Variants in SDK1 observed in about 807,000 individuals in gnomAD.
SDK1 encodes the protein sidekick cell adhesion molecule 1.
In SDK1, 157 loss-of-function variants were observed where a neutral mutation model predicts 245.5. The observed-to-expected ratio is 0.64, with a 90% CI of 0.56 to 0.73. The LOEUF (loss-of-function observed/expected upper bound fraction) is 0.73, where lower values mean the gene tolerates loss of function less well. SDK1 is among the 30% of genes least tolerant of loss of function. The pLI is 0.00. For missense variants in SDK1, 3,583 were observed against 3,002.3 expected (o/e 1.19, Z -4.52); for synonymous variants, 1,647 against 1,278.5 (o/e 1.29, Z -6.15).
At chr7:4,232,017 A>G (rs1785805286) in intron 40 of SDK1, among the ~76,000 whole-genome samples, 1 of 151,224 alleles carries the variant, frequency 6.6e-6, no homozygotes, top group African/African-American at 2.4e-5. Flanking sequence ...GCTACTTCAA[A>G]TGAACATTTT....
chr7:3,524,387 G>A (rs1477050287), intron 1 of SDK1, among the ~76,000 whole-genome samples: 3 of 152,162 alleles, frequency 2.0e-5, no homozygotes, highest in African/African-American at 4.8e-5. Flanking sequence ...GATCAATTAG[G>A]GGGCTGTTTA....
At chr7:3,338,975 T>G (rs1239816428) in intron 1 of SDK1, among the ~76,000 whole-genome samples, 2 of 152,176 alleles carry the variant, frequency 1.3e-5, no homozygotes, top group Non-Finnish European at 2.9e-5. Flanking sequence ...ATAATTGGCT[T>G]AAATATAGAT....
At chr7:3,639,135 C>G (rs1782566147) in intron 3 of SDK1, 25 bp downstream of exon 3, 1 of 1,365,546 alleles carries the variant, frequency 7.3e-7, no homozygotes, top group Non-Finnish European at 1.0e-6. Flanking sequence ...AGGAGATGTC[C>G]AAATGTTAAA....
At chr7:3,695,727 A>T (rs1249809955) in intron 4 of SDK1, among the ~76,000 whole-genome samples, 2 of 152,204 alleles carry the variant, frequency 1.3e-5, no homozygotes, top group African/African-American at 4.8e-5. Flanking sequence ...TTTCCTTATA[A>T]CATGCACTTA....
chr7:3,606,805 A>G (rs1044419402), intron 1 of SDK1, among the ~76,000 whole-genome samples: 4 of 152,106 alleles, frequency 2.6e-5, no homozygotes, highest in African/African-American at 9.7e-5. Context: ...ATTACATTAT[A>G]TAAAGGTGTT....
rs1032700480 is a variant in SDK1, at chr7:3,714,499, T to C, written c.713+72394T>C. Among the ~76,000 whole-genome samples the C allele has an allele frequency of 9.9e-5, 15 of 152,218 alleles. 1 individual carries two copies. Among genetic ancestry groups the C allele is most frequent in the Admixed American group, 9.2e-4 (14 of 15,282 alleles). On this transcript the variant is annotated intron_variant, in intron 4 of 44. Coordinates refer to ENST00000404826, the MANE Select transcript of SDK1 (RefSeq NM_152744.4). ...AATTAAGAATAATAAGTTTATCCCA[T>C]TTGCTCATTTCACATCAGTCCTTTA...
intron 1 of SDK1, among the ~76,000 whole-genome samples, chr7:3,465,132 T>C (rs1780953992): frequency 6.6e-6 from 1 of 152,106 alleles, no homozygotes; most frequent in Admixed American, 6.5e-5. Flanking sequence ...TTGACGCAAA[T>C]TGGCATTGTG....
At chr7:3,527,802 G>T (rs2128617027) in intron 1 of SDK1, among the ~76,000 whole-genome samples, 1 of 151,740 alleles carries the variant, frequency 6.6e-6, no homozygotes, top group African/African-American at 2.4e-5. Context: ...GCTAGAGGGT[G>T]AATGTTAGGA....
Position 3,628,594 on chromosome 7 carries a change from C to T in SDK1, c.458+9355C>T, listed in dbSNP as rs559573004. Among the ~76,000 whole-genome samples the T allele has an allele frequency of 5.3e-5, 8 of 152,214 alleles. No individual in the cohort carries two copies. The South Asian group carries it at 6.2e-4, about 12-fold the overall frequency. ...TGGCAACATTCTATATGCTGGGATA[C>T]GTGGCTTATGTGAAAGGGCAGCTTC... On this transcript the variant is annotated intron_variant, in intron 2 of 44. Transcript: ENST00000404826.
At chr7:3,587,794 T>C (rs1394812217) in intron 1 of SDK1, among the ~76,000 whole-genome samples, 1 of 152,244 alleles carries the variant, frequency 6.6e-6, no homozygotes, top group East Asian at 1.9e-4. Flanking sequence ...CTGAGTGTTA[T>C]CTAGCTTTCC....
At chr7:3,508,800 G>C (rs562762007) in intron 1 of SDK1, among the ~76,000 whole-genome samples, 1 of 152,170 alleles carries the variant, frequency 6.6e-6, no homozygotes, top group East Asian at 1.9e-4. Context: ...CTCACTAGGC[G>C]TGAAATTCTT....
intron 2 of SDK1, among the ~76,000 whole-genome samples, chr7:3,634,123 G>A (rs564635770): frequency 6.6e-6 from 1 of 152,294 alleles, no homozygotes; most frequent in Non-Finnish European, 1.5e-5. Flanking sequence ...AGGCAGGTGA[G>A]TGGTCTGGGA....
rs529916139 is a variant in SDK1, at chr7:3,573,592, A to G, written c.299-45488A>G. ...CTCAGTCACACCCAGCACCTGCTTA[A>G]TGGCCACTTCTTCCAGAGCCAGCCT... is the stretch of plus-strand genomic sequence containing the variant. On this transcript the variant is annotated intron_variant, in intron 1 of 44. Coordinates refer to ENST00000404826, the MANE Select transcript of SDK1 (RefSeq NM_152744.4). Among the ~76,000 whole-genome samples the G allele has an allele frequency of 3.7e-4, 56 of 152,132 alleles. 1 individual carries two copies. In the South Asian group the frequency reaches 0.011, roughly 30 times the overall value.
intron 17 of SDK1, among the ~76,000 whole-genome samples, chr7:4,028,845 C>T (rs144509849): frequency 0.034 from 5,219 of 152,140 alleles, 144 homozygotes; most frequent in African/African-American, 0.068. Flanking sequence ...GCCCATTCAG[C>T]GGAAAACCCA....
At chr7:3,576,325 C>A (rs1780289692) in intron 1 of SDK1, among the ~76,000 whole-genome samples, 1 of 152,108 alleles carries the variant, frequency 6.6e-6, no homozygotes, top group Admixed American at 6.5e-5. Context: ...TCTGGAGTTA[C>A]ACTGTGTACT....
intron 5 of SDK1, among the ~76,000 whole-genome samples, chr7:3,891,137 C>T (rs1221018531): frequency 6.6e-6 from 1 of 152,136 alleles, no homozygotes; most frequent in African/African-American, 2.4e-5. Flanking sequence ...AGGATAAGCC[C>T]AGTGGTACTT....
chr7:3,619,887 C>T (rs973517360), intron 2 of SDK1, among the ~76,000 whole-genome samples: 1 of 151,584 alleles, frequency 6.6e-6, no homozygotes, highest in African/African-American at 2.4e-5. Context: ...GTAGATTCAC[C>T]TGGAGGCAGT....
At chr7:4,254,911 C>T (rs555224148) in intron 44 of SDK1, among the ~76,000 whole-genome samples, 1 of 151,280 alleles carries the variant, frequency 6.6e-6, no homozygotes, top group East Asian at 1.9e-4. Context: ...GCTCCCTTTG[C>T]CTGTCCCCAT....
chr7:3,500,007 C>G (rs1278129915), intron 1 of SDK1, among the ~76,000 whole-genome samples: 2 of 152,142 alleles, frequency 1.3e-5, no homozygotes, highest in Non-Finnish European at 2.9e-5. Flanking sequence ...ACTCCATTAA[C>G]AGGTGATTAG....
Sources: gnomAD v4.1 joint callset for allele counts (sites outside exome capture counted in the v4.1 genomes callset) on GRCh38, gnomAD v4.1.1 for gene constraint, MANE v1.5 for transcripts, NCBI Gene and HGNC (gene_info 2026-07-23, HGNC 2026-07-21) for gene names.